LILRA6: variants seen among roughly 807,000 people sequenced by gnomAD.
LILRA6 encodes the protein leukocyte immunoglobulin like receptor A6, also known as leukocyte immunoglobulin-like receptor subfamily A member 6.
LILRA6 carries 16 observed loss-of-function variants against 53.9 expected under a neutral mutation model. The ratio of observed to expected loss-of-function variants is 0.30; its 90% CI spans 0.20 to 0.45. The LOEUF (loss-of-function observed/expected upper bound fraction) is 0.45. Among genes scored for constraint, LILRA6 ranks in the 20% least tolerant of loss-of-function variants. The probability of loss-of-function intolerance (pLI) is 1.00; values close to 1 mark genes in which losing one functional copy is unlikely to be tolerated. For missense variants in LILRA6, 306 were observed against 618.6 expected (o/e 0.49, Z 5.36); for synonymous variants, 135 against 256.4 (o/e 0.53, Z 4.52).
chr19:54,240,413 T>G (rs1215402175), exon 6 of LILRA6: 3 of 1,607,302 alleles, frequency 1.9e-6, no homozygotes, highest in Admixed American at 1.7e-5. Flanking sequence ...ACTTATGAGC[T>G]CCGTACATTG....
downstream of LILRA6, chr19:54,238,483 T>C (rs1424853855): frequency 6.3e-6 from 1 of 158,988 alleles, no homozygotes; most frequent in Non-Finnish European, 1.4e-5. Flanking sequence ...GTGAAATGAA[T>C]ACCTCAACAT....
At chr19:54,239,213 C>T in intron 7 of LILRA6, 124 bp from the exon 8 acceptor site, 1 of 1,558,534 alleles carries the variant, frequency 6.4e-7, no homozygotes, top group Non-Finnish European at 8.7e-7. Context: ...CTGTGCCCGC[C>T]CCATAACTGT....
rs972967624 is a variant in LILRA6, at chr19:54,238,776, T to C, written c.*177A>G. ...CTCAACTGGGCATTCACAACATAGATTGGAAGTAAGGTGGAGACCCAAAAT... is the reference window on the plus strand; with the variant it reads ...CTCAACTGGGCATTCACAACATAGACTGGAAGTAAGGTGGAGACCCAAAAT... On this transcript the variant is annotated 3_prime_UTR_variant, in exon 8 of 8. Coordinates refer to ENST00000396365, the Ensembl canonical transcript of LILRA6. 1.7e-5 allele frequency: 19 copies of C among 1,126,640 alleles called. 1 individual carries two copies. Among genetic ancestry groups the C allele is most frequent in the African/African-American group, 9.9e-5 (6 of 60,466 alleles). 69.8% of individuals were successfully genotyped at this position (1,126,640 alleles called of 1,614,324 possible). A position where few individuals can be genotyped will look rare whatever the true frequency, so the allele number is the denominator to read the frequency against.
chr19:54,241,548 G>C, intron 4 of LILRA6, 28 bp downstream of exon 4: 3 of 1,395,676 alleles, frequency 2.1e-6, no homozygotes, highest in Non-Finnish European at 3.0e-6. Flanking sequence ...CCCCGAAAGT[G>C]TGTTAGACAA....
chr19:54,239,638 G>C lies in LILRA6; in HGVS notation c.1309+263C>G, dbSNP rs550300874. On this transcript the variant is annotated intron_variant, in intron 7 of 7. Transcript: ENST00000396365. ...GGAGTCACTGGCCTGACCCTGGGGG[G>C]TTGAGGGGCTGGTCCTCAGGACCTC... is the stretch of plus-strand genomic sequence containing the variant. 2.8e-6 allele frequency: 4 copies of C among 1,415,136 alleles called. No homozygotes were observed. In the East Asian group the frequency reaches 9.9e-5, roughly 35 times the overall value. 87.7% of individuals were successfully genotyped at this position (1,415,136 alleles called of 1,614,324 possible).
rs532172039 is a variant in LILRA6, at chr19:54,240,579, G to A, written c.956-3C>T. On this transcript the variant is annotated splice_region_variant and splice_polypyrimidine_tract_variant and intron_variant, in intron 5 of 7. Transcript: ENST00000396365. ...GGAGACGGTGTCATAGATCTGTCCT[G>A]GAGAGAAGAAGGATGGGTGAGGGGC... 173 of 1,588,674 alleles carry A rather than the reference G, an allele frequency of 1.1e-4. No individual in the cohort carries two copies. The East Asian group carries it at 3.6e-3, about 33-fold the overall frequency.
At chr19:54,239,292 T>C (rs1460348336) in intron 7 of LILRA6, 2 of 1,449,264 alleles carry the variant, frequency 1.4e-6, no homozygotes, top group African/African-American at 1.5e-5. Flanking sequence ...GGGAGAGCCC[T>C]GAGCCAGCCT....
At chr19:54,239,211 G>C in intron 7 of LILRA6, 122 bp from the exon 8 acceptor site, 1 of 1,557,214 alleles carries the variant, frequency 6.4e-7, no homozygotes, top group Non-Finnish European at 8.7e-7. Context: ...CTCTGTGCCC[G>C]CCCCATAACT....
chr19:54,242,212 C>T lies in LILRA6; in HGVS notation c.169G>A (p.Glu57Lys). 5.6e-6 allele frequency: 8 copies of T among 1,422,968 alleles called. 1 individual carries two copies. Among genetic ancestry groups the T allele is most frequent in the Non-Finnish European group, 7.6e-6 (8 of 1,050,332 alleles). The allele number at this position is 1,422,968 out of a possible 1,614,324, so 88.1% of individuals were successfully genotyped here. Residue 57 changes from glutamate (E) to lysine (K), a missense_variant, in exon 3 of 8, where the codon GAG (glutamate) becomes AAG (lysine). By Grantham distance (56) the Glu-to-Lys change is moderately conservative (BLOSUM62 1). Around this residue, in one of 9 missense-constraint regions of LILRA6, gnomAD observed 27 missense variants for 107.0 expected, o/e 0.25. Coordinates refer to ENST00000396365, the Ensembl canonical transcript of LILRA6. ...CTTCCCTCTTTATCCAGTCGGTACTCCTGGGCCTCCAGGCTCCCCTGACAC... is the reference window on the plus strand; with the variant it reads ...CTTCCCTCTTTATCCAGTCGGTACTTCTGGGCCTCCAGGCTCCCCTGACAC...
rs183707190 is a variant in LILRA6 at position 54,239,065 on chromosome 19, A to T, written c.1334T>A (p.Val445Glu). 1.2e-4 allele frequency: 197 copies of T among 1,611,344 alleles called. 6 individuals carry two copies. The East Asian group carries it at 4.2e-3, about 35-fold the overall frequency. The change falls in exon 8 of 8, where the codon GTG becomes GAG. Residue 445 changes from valine to glutamate, a missense_variant. Around this residue, in one of 9 missense-constraint regions of LILRA6, gnomAD observed 59 missense variants for 58.6 expected, o/e 1.01. Coordinates refer to ENST00000396365, the Ensembl canonical transcript of LILRA6. ...CATGCCCATGCGGATGAGATTCTCCACTGTGTAATCCTTGGCGTGTGAGGC... is the reference window on the plus strand; with the variant it reads ...CATGCCCATGCGGATGAGATTCTCCTCTGTGTAATCCTTGGCGTGTGAGGC...
intron 7 of LILRA6, chr19:54,239,627 G>GAC: frequency 7.3e-7 from 1 of 1,377,096 alleles, no homozygotes; most frequent in Non-Finnish European, 9.9e-7. Context: ...TCACTGGCCT[G>GAC]ACCCTGGGGG....
intron 7 of LILRA6, 194 bp downstream of exon 7, chr19:54,239,707 C>T: frequency 1.3e-6 from 2 of 1,548,486 alleles, no homozygotes; most frequent in South Asian, 1.2e-5. Context: ...ACCTTGCTCC[C>T]CACATCAGCC....
chr19:54,242,474 C>A, intron 2 of LILRA6, 45 bp downstream of exon 2: 1 of 1,077,844 alleles, frequency 9.3e-7, no homozygotes, highest in Non-Finnish European at 1.3e-6. Context: ...TGGCCCTTGT[C>A]CCTAGTAAGG....
exon 6 of LILRA6, chr19:54,240,366 G>C (rs534024837): frequency 6.2e-7 from 1 of 1,607,634 alleles, no homozygotes; most frequent in Non-Finnish European, 8.5e-7. Flanking sequence ...CCCCGCGTGG[G>C]CTGAGGTCAC....
exon 8 of LILRA6, chr19:54,238,854 C>A (rs528589467): frequency 3.3e-6 from 5 of 1,525,888 alleles, no homozygotes; most frequent in Non-Finnish European, 1.8e-6. Flanking sequence ...ATCTCACCCC[C>A]CTCTGGAGGT....
At chr19:54,238,907 C>T (rs1470832244) in exon 8 of LILRA6, 3 of 1,600,840 alleles carry the variant, frequency 1.9e-6, no homozygotes, top group East Asian at 2.2e-5. Flanking sequence ...TCAGATCTGT[C>T]CCTGAGGCTC....
At chr19:54,239,398 C>A in intron 7 of LILRA6, 1 of 679,488 alleles carries the variant, frequency 1.5e-6, no homozygotes, top group Non-Finnish European at 2.3e-6. Flanking sequence ...GCAGGGCTCC[C>A]TCCAGTCTCC....
downstream of LILRA6, chr19:54,238,477 A>G (rs2078665798): frequency 6.3e-6 from 1 of 157,580 alleles, no homozygotes; most frequent in Non-Finnish European, 1.4e-5. Flanking sequence ...CATCATGTGA[A>G]ATGAATACCT....
At chr19:54,238,976 G>A in exon 8 of LILRA6, 10 of 1,611,322 alleles carry the variant, frequency 6.2e-6, no homozygotes, top group Non-Finnish European at 8.5e-6. Context: ...GCATCTTGGG[G>A]GTTTCTCTGG....
Sources: gnomAD v4.1 joint callset for allele counts on GRCh38, gnomAD v4.1.1 for gene constraint, gnomAD v4.1.1 regional missense constraint, MANE v1.5 for transcripts, NCBI Gene and HGNC (gene_info 2026-07-23, HGNC 2026-07-21) for gene names.